The following NRG3 variants were observed in gnomAD, a reference collection of about 807,000 sequenced individuals.
NRG3 encodes the protein pro-neuregulin-3, membrane-bound isoform.
A neutral mutation model predicts 66.9 loss-of-function variants in NRG3; 31 were observed. That is an observed-to-expected ratio of 0.46 (90% CI 0.35 to 0.63). NRG3 has a LOEUF of 0.63. Among genes scored for constraint, NRG3 ranks in the 20% least tolerant of loss-of-function variants. The pLI, the probability that NRG3 is intolerant of heterozygous loss-of-function variation, is 0.00. For missense variants in NRG3, 910 were observed against 878.9 expected (o/e 1.04, Z -0.45); for synonymous variants, 393 against 359.4 (o/e 1.09, Z -1.06).
At chr10:82,461,442 C>G (rs886696071) in intron 2 of NRG3, among the ~76,000 whole-genome samples, 1 of 152,184 alleles carries the variant, frequency 6.6e-6, no homozygotes, top group African/African-American at 2.4e-5. Context: ...CTGTTTCTGG[C>G]TCAGACTTGC....
At chr10:82,164,479 C>T (rs1416108935) in intron 1 of NRG3, among the ~76,000 whole-genome samples, 3 of 152,130 alleles carry the variant, frequency 2.0e-5, no homozygotes, top group African/African-American at 7.2e-5. Context: ...CATTTGTACT[C>T]ATTAACCAAC....
intron 2 of NRG3, among the ~76,000 whole-genome samples, chr10:82,369,910 CAG>C (rs1193590233): frequency 7.2e-6 from 1 of 138,012 alleles, no homozygotes; most frequent in Non-Finnish European, 1.5e-5. Flanking sequence ...TGACATATGA[CAG>C]GGGTGTGGCT....
intron 2 of NRG3, among the ~76,000 whole-genome samples, chr10:82,647,795 T>A (rs565492802): frequency 9.2e-5 from 14 of 152,184 alleles, no homozygotes; most frequent in African/African-American, 2.6e-4. Flanking sequence ...GGCTGCATAA[T>A]TGTCTTCTTT....
intron 1 of NRG3, among the ~76,000 whole-genome samples, chr10:81,883,149 C>T (rs1008946611): frequency 6.6e-6 from 1 of 152,106 alleles, no homozygotes. Flanking sequence ...ACTGCATTCC[C>T]TTGGCCACTT....
chr10:82,736,012 C>T (rs72831307), intron 2 of NRG3, among the ~76,000 whole-genome samples: 3,045 of 152,176 alleles, frequency 0.02, 52 homozygotes, highest in Non-Finnish European at 0.024. Context: ...TACACATGTA[C>T]TTCTTAATGT....
At chr10:82,120,121 C>G (rs921431375) in intron 1 of NRG3, among the ~76,000 whole-genome samples, 10 of 152,048 alleles carry the variant, frequency 6.6e-5, no homozygotes, top group African/African-American at 2.4e-4. Context: ...AACTCTTTGC[C>G]TAAAATTACC....
chr10:82,537,994 C>A (rs2043276588), intron 2 of NRG3, among the ~76,000 whole-genome samples: 1 of 152,054 alleles, frequency 6.6e-6, no homozygotes, highest in African/African-American at 2.4e-5. Context: ...CAACACATTC[C>A]CTGTTCATTC....
intron 3 of NRG3, among the ~76,000 whole-genome samples, chr10:82,761,912 TTCTTTCTTTC>T (rs973337472): frequency 6.4e-5 from 9 of 139,920 alleles, no homozygotes; most frequent in East Asian, 4.1e-4. Flanking sequence ...TCTTTCTTCT[TTCTTTCTTTC>T]TCTTTCTTTC....
At chr10:82,082,789 T>A (rs2065467483) in intron 1 of NRG3, among the ~76,000 whole-genome samples, 1 of 152,326 alleles carries the variant, frequency 6.6e-6, no homozygotes, top group Non-Finnish European at 1.5e-5. Context: ...TTGGAGGCCC[T>A]GGGTCTCCAA....
intron 2 of NRG3, among the ~76,000 whole-genome samples, chr10:82,533,720 AAG>A (rs1209002153): frequency 3.3e-5 from 5 of 151,832 alleles, no homozygotes; most frequent in African/African-American, 1.2e-4. Context: ...CTATACAACA[AAG>A]AGGAGAAGTC....
chr10:81,888,067 T>C lies in NRG3; in HGVS notation c.823+11904T>C, dbSNP rs148996687. 1.2e-3 allele frequency among the ~76,000 whole-genome samples: 176 copies of C among 152,118 alleles called. 2 individuals carry two copies. The highest frequency in any genetic ancestry group is 4.0e-3 in the African/African-American group (166 of 41,514). ...CATGCAACCAGGGTGGTGGCCTGAG[T>C]TTATAGGTTTTTCCATGTACAGAGA... On this transcript the variant is annotated intron_variant, in intron 1 of 8. Coordinates refer to ENST00000372141, the MANE Select transcript of NRG3 (RefSeq NM_001010848.4).
At chr10:82,295,148 G>A (rs2079983655) in intron 1 of NRG3, among the ~76,000 whole-genome samples, 1 of 152,002 alleles carries the variant, frequency 6.6e-6, no homozygotes, top group African/African-American at 2.4e-5. Flanking sequence ...GGTCTGTTTT[G>A]TTTCACTATG....
rs542854984 is a variant in NRG3, at chr10:81,892,359, GC to G, written c.823+16197del. Among the ~76,000 whole-genome samples the G allele has an allele frequency of 3.3e-5, 5 of 152,086 alleles. No homozygotes were observed. The East Asian group carries it at 9.6e-4, about 29-fold the overall frequency. ...GGGTATGAGGAGCCCTGGAGGAATT[GC>G]GGGCACACACAAAATATTTTATTTG... On this transcript the variant is annotated intron_variant, in intron 1 of 8. Coordinates refer to ENST00000372141, the MANE Select transcript of NRG3 (RefSeq NM_001010848.4).
chr10:82,909,538 G>A (rs1352866566), intron 4 of NRG3, among the ~76,000 whole-genome samples: 1 of 152,142 alleles, frequency 6.6e-6, no homozygotes, highest in Admixed American at 6.5e-5. Flanking sequence ...CCATTCACTT[G>A]TGATAGGTAT....
chr10:82,915,584 A>T (rs919431054), intron 4 of NRG3, among the ~76,000 whole-genome samples: 1 of 152,160 alleles, frequency 6.6e-6, no homozygotes. Context: ...TAATTTTTCT[A>T]TTTGCTGTGG....
intron 2 of NRG3, among the ~76,000 whole-genome samples, chr10:82,656,110 T>C (rs1388088621): frequency 1.3e-5 from 2 of 152,158 alleles, no homozygotes; most frequent in African/African-American, 2.4e-5. Flanking sequence ...CAGGTGCAAT[T>C]TTAAGCTTTT....
intron 5 of NRG3, 98 bp downstream of exon 5, chr10:82,951,669 G>A: frequency 3.1e-6 from 3 of 979,722 alleles, no homozygotes; most frequent in Middle Eastern, 3.2e-4. Flanking sequence ...GAGGGAACCT[G>A]TGGAAATGGG....
chr10:82,772,642 G>T (rs962773634), intron 3 of NRG3, among the ~76,000 whole-genome samples: 1 of 149,312 alleles, frequency 6.7e-6, no homozygotes, highest in African/African-American at 2.5e-5. Context: ...CATCCATGTC[G>T]TAACAAATGG....
chr10:82,730,105 AGACGGAGTC>A (rs2057821503), intron 2 of NRG3, among the ~76,000 whole-genome samples: 1 of 104,698 alleles, frequency 9.6e-6, no homozygotes, highest in African/African-American at 4.3e-5. Context: ...TTTTTTTTTG[AGACGGAGTC>A]TCGCTCTGTC....
Sources: allele counts gnomAD v4.1 joint callset (sites outside exome capture counted in the v4.1 genomes callset), GRCh38; gene constraint gnomAD v4.1.1; transcripts MANE v1.5; gene names NCBI Gene and HGNC (gene_info 2026-07-23, HGNC 2026-07-21).